UNC13C: variants seen among roughly 807,000 people sequenced by gnomAD.
UNC13C encodes the protein protein unc-13 homolog C.
UNC13C carries 174 observed loss-of-function variants against 245.4 expected under a neutral mutation model. The ratio of observed to expected loss-of-function variants is 0.71; its 90% CI spans 0.63 to 0.80. The LOEUF (loss-of-function observed/expected upper bound fraction) is 0.80, where lower values mean the gene tolerates loss of function less well. Among genes scored for constraint, UNC13C ranks in the 30% least tolerant of loss-of-function variants. UNC13C has a pLI of 0.00. For missense variants in UNC13C, 2,829 were observed against 2,602.9 expected, an observed-to-expected ratio of 1.09 and a Z score of -1.89; for synonymous variants, 992 against 895.1, an observed-to-expected ratio of 1.11 and a Z score of -1.93.
In UNC13C at chr15:53,989,281, A is replaced by T. The variant is rs185186218; in HGVS notation, c.-257+10354A>T. 6.6e-5 allele frequency among the ~76,000 whole-genome samples: 10 copies of T among 151,972 alleles called. No individual in the cohort carries two copies. The East Asian group carries it at 1.9e-3, about 29-fold the overall frequency. On this transcript the variant is annotated intron_variant, in intron 1 of 32. Coordinates refer to ENST00000260323, the MANE Select transcript of UNC13C (RefSeq NM_001080534.3). ...GGCAAGGTTATGCAACCTCAATTAC[A>T]GTCCTGGAAAGCTGTCAACAAAATC...
chr15:54,332,000 G>T (rs750621518), intron 14 of UNC13C, 43 bp from the exon 15 acceptor site: 24 of 1,342,186 alleles, frequency 1.8e-5, no homozygotes, highest in Middle Eastern at 1.8e-4. Flanking sequence ...CTTTAGAGTG[G>T]TCATTTATTT....
At chr15:54,417,988 A>T (rs752109000) in intron 19 of UNC13C, among the ~76,000 whole-genome samples, 1 of 152,046 alleles carries the variant, frequency 6.6e-6, no homozygotes, top group Admixed American at 6.6e-5. Context: ...CAGTGGTGTG[A>T]TGTTGGCTCA....
At chr15:54,264,015 G>A in intron 8 of UNC13C, 153 bp from the exon 9 acceptor site, 2 of 668,810 alleles carry the variant, frequency 3.0e-6, no homozygotes, top group East Asian at 2.7e-5. Flanking sequence ...TCTCAGCATA[G>A]CAGTTCATTA....
At chr15:53,910,297 G>C in the UNC13C span, among the ~76,000 whole-genome samples, 7 of 145,732 alleles carry the variant, frequency 4.8e-5, no homozygotes, top group Non-Finnish European at 1.1e-4. Flanking sequence ...ATGTCAGGCT[G>C]TGAGGTACGT....
intron 8 of UNC13C, among the ~76,000 whole-genome samples, chr15:54,260,952 G>A (rs949976019): frequency 6.6e-6 from 1 of 151,974 alleles, no homozygotes; most frequent in Non-Finnish European, 1.5e-5. Context: ...AAAGAAAAAT[G>A]AGTTCTAGTT....
chr15:54,115,811 C>A (rs1442650323), intron 2 of UNC13C, among the ~76,000 whole-genome samples: 1 of 151,980 alleles, frequency 6.6e-6, no homozygotes, highest in East Asian at 1.9e-4. Context: ...AGATGAATGA[C>A]ATGATTTCCC....
chr15:53,928,760 C>T, the UNC13C span, among the ~76,000 whole-genome samples: 1 of 152,184 alleles, frequency 6.6e-6, no homozygotes, highest in Non-Finnish European at 1.5e-5. Flanking sequence ...CTGCTGCTTT[C>T]ACAGAGTACT....
At chr15:54,609,099 G>A (rs538566779) in intron 30 of UNC13C, among the ~76,000 whole-genome samples, 2 of 152,114 alleles carry the variant, frequency 1.3e-5, no homozygotes, top group African/African-American at 4.8e-5. Context: ...TGTTAATTGT[G>A]GTCATCTCTT....
the UNC13C span, among the ~76,000 whole-genome samples, chr15:53,864,243 T>C: frequency 3.3e-5 from 5 of 152,168 alleles, no homozygotes; most frequent in African/African-American, 7.2e-5. Flanking sequence ...ACTGAAAATA[T>C]GTCCATAAGC....
At position 54,567,963 on chromosome 15, in the gene UNC13C, G is replaced by A. The variant is rs776452080; in HGVS notation, c.6106+16G>A. 39 of 1,498,666 alleles carry A rather than the reference G, an allele frequency of 2.6e-5. No homozygotes were observed. Among genetic ancestry groups the A allele is most frequent in the Non-Finnish European group, 3.3e-5 (37 of 1,117,196 alleles). The allele number at this position is 1,498,666 out of a possible 1,614,324, so 92.8% of individuals were successfully genotyped here. On this transcript the variant is annotated intron_variant, in intron 30 of 32. Coordinates refer to ENST00000260323, the MANE Select transcript of UNC13C (RefSeq NM_001080534.3). ...ACCTCACAGAGTAAGTAACACATAG[G>A]ACCTGAGAATAAGGTAAACTGAATA...
At chr15:54,453,995 T>C (rs1891330290) in intron 19 of UNC13C, among the ~76,000 whole-genome samples, 1 of 152,144 alleles carries the variant, frequency 6.6e-6, no homozygotes, top group Non-Finnish European at 1.5e-5. Context: ...ATTCCAGACA[T>C]TTCATATAAA....
chr15:54,595,165 G>A (rs909969596), intron 30 of UNC13C, among the ~76,000 whole-genome samples: 1 of 152,130 alleles, frequency 6.6e-6, no homozygotes, highest in Non-Finnish European at 1.5e-5. Flanking sequence ...TGGGTTTCAG[G>A]AGGAGCCTAG....
chr15:53,883,518 G>A, the UNC13C span, among the ~76,000 whole-genome samples: 1 of 152,160 alleles, frequency 6.6e-6, no homozygotes, highest in Non-Finnish European at 1.5e-5. Context: ...AGGACCAAAT[G>A]CCAATCGGGT....
the UNC13C span, among the ~76,000 whole-genome samples, chr15:53,856,396 G>A: frequency 6.6e-6 from 1 of 151,750 alleles, no homozygotes; most frequent in Non-Finnish European, 1.5e-5. Flanking sequence ...TTGTTGAGAT[G>A]TTATATTGTT....
Position 54,015,671 on chromosome 15 carries a change from A to G in UNC13C, c.2768A>G (p.Asp923Gly), listed in dbSNP as rs1895621348. 6.2e-7 allele frequency: 1 copy of G among 1,613,744 alleles called. No individual in the cohort carries two copies. Residue 923 changes from aspartate to glycine, a missense_variant, in exon 2 of 33, where the codon GAT (aspartate) becomes GGT (glycine). Physicochemically the swap from Asp to Gly is moderately conservative, Grantham distance 94 (BLOSUM62 -1). Transcript: ENST00000260323. Reference sequence around the variant, plus strand: ...GAAACCCCACAAGATGAGGGTTATGATGGTCCAGCAGATGATATGGTTAGT... The same window carrying G: ...GAAACCCCACAAGATGAGGGTTATGGTGGTCCAGCAGATGATATGGTTAGT... ...PYETPQDEGYDGPADDMVSEE... is the reference protein window; with the variant it reads ...PYETPQDEGYGGPADDMVSEE...
At chr15:54,138,859 C>G (rs948307562) in intron 2 of UNC13C, among the ~76,000 whole-genome samples, 3 of 150,608 alleles carry the variant, frequency 2.0e-5, no homozygotes, top group Non-Finnish European at 4.4e-5. Flanking sequence ...TCTGAGGCCT[C>G]TCCCCAAGTT....
chr15:54,340,787 A>T (rs893576135), intron 17 of UNC13C, among the ~76,000 whole-genome samples: 1 of 152,102 alleles, frequency 6.6e-6, no homozygotes, highest in African/African-American at 2.4e-5. Context: ...TTGGTTCCAT[A>T]TGAATTTTAG....
At chr15:54,510,290 C>A (rs1387914419) in intron 23 of UNC13C, among the ~76,000 whole-genome samples, 3 of 152,074 alleles carry the variant, frequency 2.0e-5, no homozygotes, top group Admixed American at 6.6e-5. Flanking sequence ...TCCCTTTCTG[C>A]AATTAAAAGT....
At chr15:54,519,749 G>A (rs1003367518) in intron 24 of UNC13C, among the ~76,000 whole-genome samples, 1 of 152,164 alleles carries the variant, frequency 6.6e-6, no homozygotes, top group Non-Finnish European at 1.5e-5. Flanking sequence ...TTCCGGTAGA[G>A]AGGACCGTGT....
Sources: gnomAD v4.1 joint callset for allele counts (sites outside exome capture counted in the v4.1 genomes callset) on GRCh38, gnomAD v4.1.1 for gene constraint, MANE v1.5 for transcripts, NCBI Gene and HGNC (gene_info 2026-07-23, HGNC 2026-07-21) for gene names.